Variants in CRISPLD2 observed in about 807,000 individuals in gnomAD.
The protein encoded by CRISPLD2 is cysteine-rich secretory protein LCCL domain-containing 2.
A neutral mutation model predicts 71.1 loss-of-function variants in CRISPLD2; 47 were observed. The observed-to-expected ratio is 0.66, with a 90% CI of 0.52 to 0.84. The LOEUF is 0.84. CRISPLD2 is among the 40% of genes least tolerant of loss of function. CRISPLD2 has a pLI of 0.00. For synonymous variants in CRISPLD2, 317 were observed against 250.1 expected (o/e 1.27, Z -2.52); for missense variants, 830 against 651.1 (o/e 1.27, Z -2.99).
intron 14 of CRISPLD2, among the ~76,000 whole-genome samples, chr16:84,890,247 T>C (rs948890460): frequency 1.3e-5 from 2 of 152,042 alleles, no homozygotes; most frequent in Non-Finnish European, 2.9e-5. Flanking sequence ...TAGTCCCAGC[T>C]ACCCGGGAGG....
At chr16:84,841,117 C>T (rs1004510911) in intron 2 of CRISPLD2, among the ~76,000 whole-genome samples, 1 of 152,116 alleles carries the variant, frequency 6.6e-6, no homozygotes, top group African/African-American at 2.4e-5. Context: ...ATGAGTTGTG[C>T]AGAGTTAGAT....
intron 1 of CRISPLD2, among the ~76,000 whole-genome samples, chr16:84,833,835 C>T (rs1025086952): frequency 6.6e-5 from 10 of 152,256 alleles, no homozygotes; most frequent in Middle Eastern, 3.4e-3. Flanking sequence ...CCACGTGACC[C>T]GGGAGGCCCG....
intron 14 of CRISPLD2, among the ~76,000 whole-genome samples, chr16:84,894,584 A>G (rs375159996): frequency 6.6e-6 from 1 of 152,176 alleles, no homozygotes; most frequent in East Asian, 1.9e-4. Context: ...TGCAGCAGAG[A>G]TATGATGTGA....
intron 5 of CRISPLD2, among the ~76,000 whole-genome samples, chr16:84,852,480 ATCACATTGGTGAGGTC>A (rs1917116913): frequency 2.6e-5 from 4 of 152,210 alleles, no homozygotes; most frequent in Admixed American, 2.6e-4. Context: ...TTTGCTCAAC[ATCACATTGGTGAGGTC>A]TCCCCGTGGT....
chr16:84,881,144 C>T (rs1432520863), intron 13 of CRISPLD2, among the ~76,000 whole-genome samples: 2 of 152,206 alleles, frequency 1.3e-5, no homozygotes, highest in Non-Finnish European at 2.9e-5. Flanking sequence ...AATGTTTTCG[C>T]AGTTTGAAGG....
chr16:84,902,048 C>G (rs979465513), intron 14 of CRISPLD2, among the ~76,000 whole-genome samples: 6 of 151,720 alleles, frequency 4.0e-5, no homozygotes, highest in Non-Finnish European at 7.4e-5. Context: ...ATCTGCCGGC[C>G]TCGACCTCTC....
intron 13 of CRISPLD2, among the ~76,000 whole-genome samples, chr16:84,884,700 C>A (rs2071597223): frequency 6.6e-6 from 1 of 152,166 alleles, no homozygotes; most frequent in Admixed American, 6.5e-5. Flanking sequence ...GGTACCGGGC[C>A]TGTGGAGTGA....
At chr16:84,887,439 C>T (rs998380277) in intron 13 of CRISPLD2, among the ~76,000 whole-genome samples, 3 of 152,202 alleles carry the variant, frequency 2.0e-5, no homozygotes, top group Non-Finnish European at 2.9e-5. Context: ...GTCTTCGTGC[C>T]CTGTAGACAA....
Position 84,854,889 on chromosome 16 carries a change from C to T in CRISPLD2, c.709+60C>T. On this transcript the variant is annotated intron_variant, in intron 6 of 14. Transcript: ENST00000262424. ...TTTGCCCTCAGTCTGAGTCATGCGA[C>T]AGCGTTACATGAAACAGGGGAATTA... The T allele has an allele frequency of 5.4e-6, 7 of 1,292,084 alleles. 1 individual carries two copies. In the South Asian group the frequency reaches 7.1e-5, roughly 13 times the overall value. 80.0% of individuals were successfully genotyped at this position (1,292,084 alleles called of 1,614,324 possible).
intron 13 of CRISPLD2, among the ~76,000 whole-genome samples, chr16:84,882,337 A>G (rs971578495): frequency 7.1e-6 from 1 of 141,326 alleles, no homozygotes; most frequent in African/African-American, 2.7e-5. Context: ...TAGCAGCTAA[A>G]CCAATAAAGC....
At chr16:84,895,653 C>G (rs1167670275) in intron 14 of CRISPLD2, among the ~76,000 whole-genome samples, 1 of 152,132 alleles carries the variant, frequency 6.6e-6, no homozygotes, top group Non-Finnish European at 1.5e-5. Context: ...TTTGACAGTT[C>G]CCTAGAGTGT....
intron 13 of CRISPLD2, among the ~76,000 whole-genome samples, chr16:84,886,909 C>T (rs908749365): frequency 3.3e-5 from 5 of 152,206 alleles, no homozygotes; most frequent in African/African-American, 7.2e-5. Flanking sequence ...GTAATGGGTT[C>T]GACCTCCAGA....
intron 2 of CRISPLD2, among the ~76,000 whole-genome samples, chr16:84,840,979 A>G (rs892588598): frequency 2.0e-5 from 3 of 152,178 alleles, no homozygotes; most frequent in Non-Finnish European, 1.5e-5. Flanking sequence ...TTCTTGCTAT[A>G]AAGAGGTGGA....
chr16:84,838,914 G>T, intron 2 of CRISPLD2, 179 bp downstream of exon 2: 6 of 841,550 alleles, frequency 7.1e-6, no homozygotes, highest in Non-Finnish European at 1.2e-5. Context: ...TTTGAGACAG[G>T]GTCTCACTCT....
At position 84,868,918 on chromosome 16, in the gene CRISPLD2, C is replaced by T. The variant is rs1260034790; in HGVS notation, c.914+7C>T. On this transcript the variant is annotated splice_region_variant and intron_variant, in intron 8 of 14. Coordinates refer to ENST00000262424, the MANE Select transcript of CRISPLD2 (RefSeq NM_031476.4). ...AAGGGTCCACGTGTAACAGGTGAGC[C>T]TGTGCTGGGCTGTCCTGCCACTGTA... 1.3e-6 allele frequency: 2 copies of T among 1,529,300 alleles called. No homozygotes were observed. The highest frequency in any genetic ancestry group is 1.8e-6 in the Non-Finnish European group (2 of 1,117,352). The allele number at this position is 1,529,300 out of a possible 1,614,324, so 94.7% of individuals were successfully genotyped here. A position where few individuals can be genotyped will look rare whatever the true frequency, so the allele number is the denominator to read the frequency against.
At chr16:84,880,756 A>C (rs2071561472) in intron 13 of CRISPLD2, 172 bp downstream of exon 13, 1 of 493,686 alleles carries the variant, frequency 2.0e-6, no homozygotes, top group South Asian at 3.1e-5. Context: ...CCCAGGCTGG[A>C]GTACAGTGGA....
chr16:84,834,989 A>C (rs1916580896), intron 1 of CRISPLD2, among the ~76,000 whole-genome samples: 1 of 152,040 alleles, frequency 6.6e-6, no homozygotes. Flanking sequence ...TTTGGGGAAA[A>C]CCAGCTCAAA....
chr16:84,854,578 A>T (rs779859915), intron 5 of CRISPLD2, 151 bp from the exon 6 acceptor site: 11 of 659,922 alleles, frequency 1.7e-5, no homozygotes, highest in Admixed American at 4.8e-5. Flanking sequence ...GGCCTGGGAT[A>T]GCCATCTTTC....
chr16:84,907,595 GAAC>G lies in CRISPLD2; in HGVS notation c.*957_*959del, dbSNP rs1567710271. The G allele has an allele frequency of 1.3e-5, 2 of 152,168 alleles. No homozygotes were observed. The highest frequency in any genetic ancestry group is 2.9e-5 in the Non-Finnish European group (2 of 68,038). The allele number at this position is 152,168 out of a possible 1,614,324, so 9.4% of individuals were successfully genotyped here. A position where few individuals can be genotyped will look rare whatever the true frequency, so the allele number is the denominator to read the frequency against. On this transcript the variant is annotated 3_prime_UTR_variant, in exon 15 of 15. Coordinates refer to ENST00000262424, the MANE Select transcript of CRISPLD2 (RefSeq NM_031476.4). ...GGTTCCACTGAGACGAGATGTCTGAGAACAACCAAAGAAGGCCTGCTCTTTGCT... is the reference window on the plus strand; with the variant it reads ...GGTTCCACTGAGACGAGATGTCTGAGAACCAAAGAAGGCCTGCTCTTTGCT...
Sources: gnomAD v4.1 joint callset for allele counts (sites outside exome capture counted in the v4.1 genomes callset) on GRCh38, gnomAD v4.1.1 for gene constraint, MANE v1.5 for transcripts, NCBI Gene and HGNC (gene_info 2026-07-23, HGNC 2026-07-21) for gene names.